Variants in PPP1R7 observed in about 807,000 individuals in gnomAD.
PPP1R7 encodes protein phosphatase 1 regulatory subunit 22.
A neutral mutation model predicts 45.2 loss-of-function variants in PPP1R7; 18 were observed. That is an observed-to-expected ratio of 0.40 (90% CI 0.28 to 0.59). The LOEUF (loss-of-function observed/expected upper bound fraction) is 0.59, where lower values mean the gene tolerates loss of function less well. PPP1R7 is among the 20% of genes least tolerant of loss of function. The pLI, the probability that PPP1R7 is intolerant of heterozygous loss-of-function variation, is 0.46. For missense variants in PPP1R7, 314 were observed against 455.8 expected, an observed-to-expected ratio of 0.69 and a Z score of 2.83; for synonymous variants, 181 against 183.4, an observed-to-expected ratio of 0.99 and a Z score of 0.11.
At chr2:241,163,947 C>CT (rs2067651661) in intron 7 of PPP1R7, among the ~76,000 whole-genome samples, 1 of 151,726 alleles carries the variant, frequency 6.6e-6, no homozygotes, top group Admixed American at 6.6e-5. Flanking sequence ...AGGTCTCACT[C>CT]TGTCATCCAG....
At position 241,163,417 on chromosome 2, in the gene PPP1R7, A is replaced by AGCC. The variant is rs766585525; in HGVS notation, c.714+20_714+22dup. 14 of 1,570,060 alleles carry AGCC rather than the reference A, an allele frequency of 8.9e-6. No individual in the cohort carries two copies. The East Asian group carries it at 1.8e-4, about 20-fold the overall frequency. ...CAGTATGCAGGTACGGAGCTTCCTG[A>AGCC]GCCGCCCTTCCCTGCGAGCCCTGGC... On this transcript the variant is annotated intron_variant, in intron 7 of 9. Coordinates refer to ENST00000234038, the MANE Select transcript of PPP1R7 (RefSeq NM_002712.3).
chr2:241,152,685 G>A (rs2067352420), intron 1 of PPP1R7, among the ~76,000 whole-genome samples: 1 of 152,188 alleles, frequency 6.6e-6, no homozygotes, highest in Non-Finnish European at 1.5e-5. Flanking sequence ...TTTCAGTATG[G>A]TTGATAATTC....
At position 241,158,772 on chromosome 2, in the gene PPP1R7, G is replaced by A. The variant is rs570866536; in HGVS notation, c.303+223G>A. ...CTGGGGCTGGCTCTCCTGAGCCCAGGCAGCCAGTGACCTGTGACTCTGGCC... is the reference window on the plus strand; with the variant it reads ...CTGGGGCTGGCTCTCCTGAGCCCAGACAGCCAGTGACCTGTGACTCTGGCC... On this transcript the variant is annotated intron_variant, in intron 4 of 9. Transcript: ENST00000234038. 7.2e-5 allele frequency: 39 copies of A among 540,106 alleles called. No homozygotes were observed. In the East Asian group the frequency reaches 1.1e-3, roughly 16 times the overall value. 33.5% of individuals were successfully genotyped at this position (540,106 alleles called of 1,614,324 possible). A position where few individuals can be genotyped will look rare whatever the true frequency, so the allele number is the denominator to read the frequency against.
chr2:241,150,078 C>T, upstream of PPP1R7: 1 of 1,281,954 alleles, frequency 7.8e-7, no homozygotes, highest in Non-Finnish European at 9.9e-7. Context: ...TGGCCCGCAC[C>T]TTGCAGCCAC....
At chr2:241,159,500 C>T (rs968884675) in intron 5 of PPP1R7, among the ~76,000 whole-genome samples, 157 bp downstream of exon 5, 16 of 152,174 alleles carry the variant, frequency 1.1e-4, no homozygotes, top group African/African-American at 3.9e-4. Context: ...GTCTCTGCCT[C>T]CTGTTTTCAG....
At chr2:241,157,717 A>C in intron 2 of PPP1R7, 90 bp from the exon 3 acceptor site, 1 of 1,321,752 alleles carries the variant, frequency 7.6e-7, no homozygotes, top group Admixed American at 1.9e-5. Context: ...CTGGGCACCA[A>C]ACAGCCCCAG....
chr2:241,153,102 C>G (rs1408207648), intron 1 of PPP1R7, among the ~76,000 whole-genome samples: 2 of 152,222 alleles, frequency 1.3e-5, no homozygotes. Context: ...AGAAGGGTCA[C>G]AGTGGTGATC....
chr2:241,149,621 G>C, upstream of PPP1R7: 1 of 1,535,700 alleles, frequency 6.5e-7, no homozygotes, highest in East Asian at 2.4e-5. Flanking sequence ...ACACCCCTAC[G>C]GCGCTTCGGA....
intron 4 of PPP1R7, 41 bp from the exon 5 acceptor site, chr2:241,159,171 TC>T (rs753001374): frequency 1.2e-4 from 191 of 1,602,524 alleles, no homozygotes; most frequent in Non-Finnish European, 1.6e-4. Context: ...TCTCGTGGCC[TC>T]CCCCTTGCCT....
chr2:241,151,461 G>T (rs773941835), intron 1 of PPP1R7: 1 of 471,202 alleles, frequency 2.1e-6, no homozygotes, highest in East Asian at 6.9e-5. Flanking sequence ...CTGAGCTGGA[G>T]CCTGAAGAAT....
At position 241,150,479 on chromosome 2, in the gene PPP1R7, G is replaced by A; in HGVS notation, c.-17G>A. ...GGTCTGAGGCGACAGATTCCGGAAAGGGGAAGAGCAGCCAACATGGCGGCG... is the reference window on the plus strand; with the variant it reads ...GGTCTGAGGCGACAGATTCCGGAAAAGGGAAGAGCAGCCAACATGGCGGCG... On this transcript the variant is annotated 5_prime_UTR_variant, in exon 1 of 10. Coordinates refer to ENST00000234038, the MANE Select transcript of PPP1R7 (RefSeq NM_002712.3). 1.3e-6 allele frequency: 2 copies of A among 1,594,778 alleles called. No individual in the cohort carries two copies. Among genetic ancestry groups the A allele is most frequent in the South Asian group, 1.1e-5 (1 of 88,726 alleles).
chr2:241,167,166 C>A, intron 8 of PPP1R7: 1 of 1,222,342 alleles, frequency 8.2e-7, no homozygotes. Context: ...AAGACTTTTT[C>A]TCATTCAATT....
chr2:241,166,910 C>A, intron 8 of PPP1R7: 2 of 735,610 alleles, frequency 2.7e-6, no homozygotes, highest in Non-Finnish European at 4.5e-6. Flanking sequence ...AGCACAGGAC[C>A]AGCTCTCAGT....
At chr2:241,180,440 G>A (rs2067982978) in intron 9 of PPP1R7, among the ~76,000 whole-genome samples, 1 of 142,626 alleles carries the variant, frequency 7.0e-6, no homozygotes, top group South Asian at 2.3e-4. Flanking sequence ...ATCTCAAAAT[G>A]TTTTTAAGCT....
chr2:241,154,235 A>G (rs536421288), intron 2 of PPP1R7, among the ~76,000 whole-genome samples: 34 of 151,332 alleles, frequency 2.2e-4, no homozygotes, highest in African/African-American at 7.5e-4. Flanking sequence ...ATATTGTTAT[A>G]TTAACCATAT....
At chr2:241,175,830 C>G (rs1424746976) in intron 9 of PPP1R7, among the ~76,000 whole-genome samples, 1 of 152,176 alleles carries the variant, frequency 6.6e-6, no homozygotes, top group East Asian at 1.9e-4. Flanking sequence ...GTCACCCAGG[C>G]TGGAGTGCAA....
At chr2:241,165,520 C>G (rs1035826840) in intron 7 of PPP1R7, among the ~76,000 whole-genome samples, 3 of 152,168 alleles carry the variant, frequency 2.0e-5, no homozygotes, top group Non-Finnish European at 4.4e-5. Context: ...TGAATTTTAG[C>G]TCAGTACAGC....
At chr2:241,167,049 A>C (rs1338413514) in intron 8 of PPP1R7, 3 of 1,612,212 alleles carry the variant, frequency 1.9e-6, no homozygotes, top group African/African-American at 2.7e-5. Context: ...ACTCAGGTGC[A>C]GGACAGCCTC....
At chr2:241,166,478 G>T (rs757668917) in intron 8 of PPP1R7, 37 bp downstream of exon 8, 4 of 1,590,058 alleles carry the variant, frequency 2.5e-6, no homozygotes, top group Non-Finnish European at 3.4e-6. Context: ...CTGTGTGGGC[G>T]GTGGGCACCA....
Sources: gnomAD v4.1 joint callset for allele counts (sites outside exome capture counted in the v4.1 genomes callset) on GRCh38, gnomAD v4.1.1 for gene constraint, MANE v1.5 for transcripts, NCBI Gene and HGNC (gene_info 2026-07-23, HGNC 2026-07-21) for gene names.